The following TGFBRAP1 variants were observed in gnomAD, a reference collection of about 807,000 sequenced individuals.
TGFBRAP1 encodes the protein transforming growth factor-beta receptor-associated protein 1.
Under a neutral mutation model 83.2 loss-of-function variants are expected in TGFBRAP1, and 20 were observed. That is an observed-to-expected ratio of 0.24 (90% confidence interval 0.17 to 0.35). TGFBRAP1 has a LOEUF of 0.35. TGFBRAP1 is among the 10% of genes least tolerant of loss of function. TGFBRAP1 has a pLI of 1.00. For synonymous variants in TGFBRAP1, 415 were observed against 459.8 expected (o/e 0.90, Z 1.25); for missense variants, 950 against 1,099.4 (o/e 0.86, Z 1.92).
chr2:105,256,570 A>G, the TGFBRAP1 span, among the ~76,000 whole-genome samples: 1 of 152,236 alleles, frequency 6.6e-6, no homozygotes, highest in South Asian at 2.1e-4. Context: ...GTTTACAAGA[A>G]GGTATTCCCT....
chr2:105,275,564 T>C lies in TGFBRAP1; in HGVS notation c.1661A>G (p.Glu554Gly). Residue 554 changes from glutamate to glycine, a missense_variant, in exon 8 of 12, where the codon GAA becomes GGA. Physicochemically the swap from Glu to Gly is moderately conservative, Grantham distance 98 (BLOSUM62 -2). Transcript: ENST00000393359. ...AYADWVLQKS[E>G]EVGVQVFTKR... Reference sequence around the variant, plus strand: ...GCATTTTTACGAAGCACAAACCTCTTCACTTTTCTGCAGGACCCAATCAGC... The same window carrying C: ...GCATTTTTACGAAGCACAAACCTCTCCACTTTTCTGCAGGACCCAATCAGC... 6 of 1,613,690 alleles carry C rather than the reference T, an allele frequency of 3.7e-6. No individual in the cohort carries two copies. Among genetic ancestry groups the C allele is most frequent in the Non-Finnish European group, 5.1e-6 (6 of 1,179,890 alleles).
At chr2:105,298,403 T>C (rs1240907763) in intron 3 of TGFBRAP1, 108 bp downstream of exon 3, 15 of 1,205,362 alleles carry the variant, frequency 1.2e-5, no homozygotes, top group Non-Finnish European at 6.9e-6. Flanking sequence ...GAGTCATCTG[T>C]GTATCTTTTA....
At position 105,317,177 on chromosome 2, in the gene TGFBRAP1, G is replaced by A. The variant is rs375615943; in HGVS notation, c.-17-8859C>T. On this transcript the variant is annotated intron_variant, in intron 1 of 11. Transcript: ENST00000393359. ...GATTCTGCCAGGTATAGTGGCTCAC[G>A]CCTGTAATCCCAGCACTCTGGGAGG... 2.6e-5 allele frequency among the ~76,000 whole-genome samples: 4 copies of A among 151,774 alleles called. No homozygotes were observed. In the East Asian group the frequency reaches 5.8e-4, roughly 22 times the overall value.
chr2:105,305,011 G>A (rs768460756), intron 2 of TGFBRAP1, among the ~76,000 whole-genome samples: 4 of 152,112 alleles, frequency 2.6e-5, no homozygotes, highest in Admixed American at 2.0e-4. Context: ...CTACAATGGC[G>A]GATTCATGTC....
chr2:105,259,980 CTA>C (rs1161879071), downstream of TGFBRAP1, among the ~76,000 whole-genome samples: 1 of 152,088 alleles, frequency 6.6e-6, no homozygotes, highest in Non-Finnish European at 1.5e-5. Context: ...TTATATTTTT[CTA>C]TGTTGATATG....
rs528105338 is a variant in TGFBRAP1 at position 105,310,402 on chromosome 2, C to T, written c.-17-2084G>A. On this transcript the variant is annotated intron_variant, in intron 1 of 11. Transcript: ENST00000393359. ...CAGATATGGGTAACCTGTTCACCTC[C>T]GCCAAAACACAGCCTGCATCATAAG... Among the ~76,000 whole-genome samples, 9 of 152,226 alleles carry T rather than the reference C, an allele frequency of 5.9e-5. No individual in the cohort carries two copies. In the South Asian group the frequency reaches 6.2e-4, roughly 11 times the overall value.
intron 4 of TGFBRAP1, among the ~76,000 whole-genome samples, chr2:105,290,297 C>T (rs1165167417): frequency 1.3e-5 from 2 of 152,124 alleles, no homozygotes; most frequent in Non-Finnish European, 2.9e-5. Context: ...GAACTCATGA[C>T]CTCAAGTGAT....
the TGFBRAP1 span, among the ~76,000 whole-genome samples, chr2:105,254,468 ATATATATTTACTAAT>A: frequency 6.6e-6 from 1 of 152,112 alleles, no homozygotes; most frequent in African/African-American, 2.4e-5. Context: ...AGACCAATTA[ATATATATTTACTAAT>A]TATATATAGG....
In TGFBRAP1 at chr2:105,296,281, T is replaced by C. The variant is rs1210644073; in HGVS notation, c.1038+75A>G. ...CAGCCCGGTACACAGGAAGGGCCGA[T>C]GCATGTTAGTTAAATCTGAATGTCC... On this transcript the variant is annotated intron_variant, in intron 4 of 11. Coordinates refer to ENST00000393359, the MANE Select transcript of TGFBRAP1 (RefSeq NM_004257.6). The C allele has an allele frequency of 3.8e-6, 6 of 1,570,538 alleles. No individual in the cohort carries two copies. The South Asian group carries it at 4.6e-5, about 12-fold the overall frequency.
At chr2:105,262,090 T>G (rs1676802063), downstream of TGFBRAP1, among the ~76,000 whole-genome samples, 1 of 152,054 alleles carries the variant, frequency 6.6e-6, no homozygotes, top group Non-Finnish European at 1.5e-5. Flanking sequence ...CTGACTTCCA[T>G]TGCTTGGAAC....
At chr2:105,252,333 T>C in the TGFBRAP1 span, among the ~76,000 whole-genome samples, 62 of 152,332 alleles carry the variant, frequency 4.1e-4, no homozygotes, top group Middle Eastern at 6.8e-3. Context: ...TAATTTGCTT[T>C]GAAACTATCT....
intron 11 of TGFBRAP1, among the ~76,000 whole-genome samples, chr2:105,268,800 G>A (rs576574962): frequency 6.6e-6 from 1 of 152,358 alleles, no homozygotes; most frequent in South Asian, 2.1e-4. Flanking sequence ...AGAATGTGGG[G>A]TTCTCAACTG....
At chr2:105,298,318 T>A (rs978623332) in intron 3 of TGFBRAP1, among the ~76,000 whole-genome samples, 193 bp downstream of exon 3, 3 of 152,224 alleles carry the variant, frequency 2.0e-5, no homozygotes, top group African/African-American at 7.2e-5. Context: ...CAAGCTTTTA[T>A]ACTGCCATAG....
In TGFBRAP1 at chr2:105,308,224, G is replaced by T; in HGVS notation, c.78C>A (p.Asn26Lys). 1.9e-6 allele frequency: 3 copies of T among 1,614,202 alleles called. No homozygotes were observed. Among genetic ancestry groups the T allele is most frequent in the Non-Finnish European group, 2.5e-6 (3 of 1,180,036 alleles). The change falls in exon 2 of 12, where the codon AAC becomes AAA. Residue 26 changes from asparagine (N) to lysine (K), a missense_variant. Asn to Lys is a moderately conservative substitution (Grantham distance 94). Transcript: ENST00000393359. The stretch of plus-strand genomic sequence containing the variant: ...TGCCGCAGCACTCCACGCACTCTAT[G>T]TTGACGCGCTCCTTGTCGCCCATCA... ...ELLMGDKERVNIECVECCGRD... is the reference protein window; with the variant it reads ...ELLMGDKERVKIECVECCGRD...
intron 4 of TGFBRAP1, among the ~76,000 whole-genome samples, chr2:105,289,353 T>A (rs1438579665): frequency 6.6e-6 from 1 of 152,202 alleles, no homozygotes; most frequent in African/African-American, 2.4e-5. Flanking sequence ...TTTTTTCTCC[T>A]GTACTTTTCA....
intron 1 of TGFBRAP1, among the ~76,000 whole-genome samples, chr2:105,326,823 CTT>C (rs1679237717): frequency 6.6e-6 from 1 of 152,224 alleles, no homozygotes; most frequent in African/African-American, 2.4e-5. Context: ...AAATCTTTAA[CTT>C]TTTCAACAGC....
intron 2 of TGFBRAP1, among the ~76,000 whole-genome samples, chr2:105,303,579 A>G (rs1678379115): frequency 6.6e-6 from 1 of 152,254 alleles, no homozygotes; most frequent in Admixed American, 6.5e-5. Context: ...CGAGTTTATA[A>G]TGATACTTTT....
chr2:105,267,391 G>A lies in TGFBRAP1; in HGVS notation c.2575C>T (p.Arg859Trp), dbSNP rs201487682. Residue 859 changes from arginine (R) to tryptophan (W), a missense_variant, in exon 12 of 12, where the codon CGG becomes TGG. Arg to Trp is a moderately radical substitution (Grantham distance 101). Coordinates refer to ENST00000393359, the MANE Select transcript of TGFBRAP1 (RefSeq NM_004257.6). ...CCCTTGGGCCAAGCTTTTCAAGTCCGAGTGCCAGGACTGGATGAGCTGGGG... is the reference window on the plus strand; with the variant it reads ...CCCTTGGGCCAAGCTTTTCAAGTCCAAGTGCCAGGACTGGATGAGCTGGGG... Reference protein sequence around the residue: ...TNPSSSSPGTRT With the variant: ...TNPSSSSPGTWT 1.3e-5 allele frequency: 21 copies of A among 1,614,082 alleles called. No homozygotes were observed. Among genetic ancestry groups the A allele is most frequent in the Admixed American group, 5.0e-5 (3 of 60,014 alleles).
chr2:105,280,748 T>C, intron 5 of TGFBRAP1, 25 bp from the exon 6 acceptor site: 5 of 1,593,636 alleles, frequency 3.1e-6, no homozygotes, highest in Non-Finnish European at 4.3e-6. Flanking sequence ...TCAAACTAAA[T>C]GAAGCAAAAA....
Sources: gnomAD v4.1 joint callset for allele counts (sites outside exome capture counted in the v4.1 genomes callset) on GRCh38, gnomAD v4.1.1 for gene constraint, MANE v1.5 for transcripts, NCBI Gene and HGNC (gene_info 2026-07-23, HGNC 2026-07-21) for gene names.